SALL4: variants seen among roughly 807,000 people sequenced by gnomAD.
The protein encoded by SALL4 is spalt like transcription factor 4.
Under a neutral mutation model 60.8 loss-of-function variants are expected in SALL4, and 4 were observed. The ratio of observed to expected loss-of-function variants is 0.07; its 90% CI spans 0.03 to 0.15. SALL4 has a LOEUF of 0.15. SALL4 is among the 10% of genes least tolerant of loss of function. The pLI is 1.00. For synonymous variants in SALL4, 580 were observed against 574.9 expected, an observed-to-expected ratio of 1.01 and a Z score of -0.13; for missense variants, 1,178 against 1,394.7, an observed-to-expected ratio of 0.84 and a Z score of 2.48.
At chr20:51,793,970 A>G (rs1166254180) in intron 1 of SALL4, among the ~76,000 whole-genome samples, 2 of 152,126 alleles carry the variant, frequency 1.3e-5, no homozygotes, top group African/African-American at 4.8e-5. Context: ...CCTATCAATA[A>G]CAGGTAGTTA....
intron 1 of SALL4, among the ~76,000 whole-genome samples, chr20:51,800,665 GA>G (rs1484171642): frequency 6.6e-6 from 1 of 152,168 alleles, no homozygotes; most frequent in African/African-American, 2.4e-5. Flanking sequence ...CAGGCGGGCT[GA>G]GGGTTAACCC....
Position 51,801,156 on chromosome 20 carries a change from C to A in SALL4, c.130+1123G>T, listed in dbSNP as rs546402610. 3.3e-5 allele frequency among the ~76,000 whole-genome samples: 5 copies of A among 152,100 alleles called. No homozygotes were observed. The highest frequency in any genetic ancestry group is 1.3e-4 in the Admixed American group (2 of 15,284). On this transcript the variant is annotated intron_variant, in intron 1 of 3. Transcript: ENST00000217086. The surrounding 1 kb of genome is among the most constrained non-coding windows in gnomAD (Gnocchi z 5.2). ...ACGCGCACGCTAAAAACTTATCAGG[C>A]GACAATTTGGCGGGCCGGGATGGAG...
rs2075267832 is a variant in SALL4, at chr20:51,789,337, ATC to A, written c.2462-198_2462-197del. Among the ~76,000 whole-genome samples the A allele has an allele frequency of 2.0e-5, 3 of 151,894 alleles. No individual in the cohort carries two copies. The South Asian group carries it at 6.2e-4, about 31-fold the overall frequency. On this transcript the variant is annotated intron_variant, in intron 2 of 3. Transcript: ENST00000217086. ...AAGCTTCAAATGCTTGGGAAAAGGT[ATC>A]ACTTTGGGTTTTTTTTTTTTAAAGG...
chr20:51,792,231 G>T lies in SALL4; in HGVS notation c.252C>A (p.Ile84=). The T allele has an allele frequency of 6.2e-7, 1 of 1,614,092 alleles. No homozygotes were observed. The highest frequency in any genetic ancestry group is 8.5e-7 in the Non-Finnish European group (1 of 1,180,038). Residue 84 remains isoleucine (I), a synonymous_variant, in exon 2 of 4, where the codon ATC becomes ATA. Transcript: ENST00000217086. ...CEKCCAEFFS[I]SEFLEHKKNC... The stretch of plus-strand genomic sequence containing the variant: ...TTTTCTTATGTTCCAGGAACTCAGA[G>T]ATGCTGAAGAACTCCGCACAGCATT...
Position 51,791,942 on chromosome 20 carries a change from C to T in SALL4, c.541G>A (p.Val181Met), listed in dbSNP as rs139382539. The change falls in exon 2 of 4, where the codon GTG (valine) becomes ATG (methionine). Residue 181 changes from valine (V) to methionine (M), a missense_variant. Val to Met is a conservative substitution (Grantham distance 21). Around this residue, in one of 5 missense-constraint regions of SALL4, gnomAD observed 853 missense variants for 1,036.8 expected, o/e 0.82. Coordinates refer to ENST00000217086, the MANE Select transcript of SALL4 (RefSeq NM_020436.5). This position sits in a 1 kb window ranked among gnomAD's most constrained non-coding sequence, Gnocchi z 4.6. ...GTGCCCCGTAGTGCCTGCAAGGTCA[C>T]ATTAGTGTTGGCCACTTTGCCTTTG... is the stretch of plus-strand genomic sequence containing the variant. The part of the protein sequence containing the change: ...LAKGKVANTN[V>M]TLQALRGTKV... 1.1e-3 allele frequency: 1,794 copies of T among 1,614,102 alleles called. 3 individuals carry two copies. The highest frequency in any genetic ancestry group is 1.4e-3 in the Non-Finnish European group (1,619 of 1,180,048).
Position 51,792,126 on chromosome 20 carries a change from T to C in SALL4, c.357A>G (p.Val119=). 1 of 1,614,172 alleles carries C rather than the reference T, an allele frequency of 6.2e-7. No individual in the cohort carries two copies. Among genetic ancestry groups the C allele is most frequent in the Non-Finnish European group, 8.5e-7 (1 of 1,180,030 alleles). ...PVPSEDFSGA[V]LSHQPTSPGS... Reference sequence around the variant, plus strand: ...CGGGACTGGTGGGCTGGTGGCTCAGTACAGCTCCGGAGAAGTCTTCTGAAG... The same window carrying C: ...CGGGACTGGTGGGCTGGTGGCTCAGCACAGCTCCGGAGAAGTCTTCTGAAG... Residue 119 remains valine (V), a synonymous_variant, in exon 2 of 4, where the codon GTA becomes GTG. Coordinates refer to ENST00000217086, the MANE Select transcript of SALL4 (RefSeq NM_020436.5).
rs989548460 is a variant in SALL4 at position 51,782,424 on chromosome 20, A to G, written c.*1841T>C. ...GTTTCTCCGTAGATCATACATTCAC[A>G]AGGCATTATTAGCTCAACAGTGAGA... On this transcript the variant is annotated 3_prime_UTR_variant, in exon 4 of 4. Transcript: ENST00000217086. The G allele has an allele frequency of 3.3e-5, 5 of 152,230 alleles. No homozygotes were observed. Among genetic ancestry groups the G allele is most frequent in the African/African-American group, 7.2e-5 (3 of 41,550 alleles). 9.4% of individuals were successfully genotyped at this position (152,230 alleles called of 1,614,324 possible).
At chr20:51,798,907 G>A (rs1470188151) in intron 1 of SALL4, among the ~76,000 whole-genome samples, 1 of 152,032 alleles carries the variant, frequency 6.6e-6, no homozygotes, top group Non-Finnish European at 1.5e-5. Context: ...TCTGGGGCGA[G>A]GCAGGACAAG....
At chr20:51,792,490 AC>A in intron 1 of SALL4, 138 bp from the exon 2 acceptor site, 1 of 1,099,862 alleles carries the variant, frequency 9.1e-7, no homozygotes, top group Non-Finnish European at 1.3e-6. Context: ...GGAATTCAAG[AC>A]CAGTCTGGCC....
In SALL4 at chr20:51,790,215, G is replaced by A. The variant is rs145078336; in HGVS notation, c.2268C>T (p.Ser756=). ...AGGATGAGTCGTTGGTCAAGCCATC[G>A]CTCTCCACGGAACCGTTTTCTCTGC... The part of the protein sequence containing the change: ...QGSRENGSVE[S]DGLTNDSSSL... The change falls in exon 2 of 4, where the codon AGC becomes AGT. Residue 756 remains serine, a synonymous_variant. Coordinates refer to ENST00000217086, the MANE Select transcript of SALL4 (RefSeq NM_020436.5). The surrounding 1 kb of genome is among the most constrained non-coding windows in gnomAD (Gnocchi z 5.5). The A allele has an allele frequency of 8.5e-4, 1,370 of 1,614,084 alleles. No homozygotes were observed. Among genetic ancestry groups the A allele is most frequent in the Non-Finnish European group, 1.0e-3 (1,222 of 1,180,024 alleles).
At chr20:51,787,010 G>A (rs1484179524) in intron 3 of SALL4, among the ~76,000 whole-genome samples, 3 of 152,128 alleles carry the variant, frequency 2.0e-5, no homozygotes, top group East Asian at 1.9e-4. Context: ...CAGGAGAATC[G>A]CTTGAACCCA....
Position 51,782,980 on chromosome 20 carries a change from C to T in SALL4, c.*1285G>A, listed in dbSNP as rs542413818. On this transcript the variant is annotated 3_prime_UTR_variant, in exon 4 of 4. Transcript: ENST00000217086. ...GACGTGCCTGTTCTAACTTCGTAGC[C>T]TTCATGAAATATTCAGCAAGGAAAC... The T allele has an allele frequency of 3.3e-5, 5 of 152,306 alleles. No homozygotes were observed. The highest frequency in any genetic ancestry group is 1.2e-4 in the African/African-American group (5 of 41,562). The allele number at this position is 152,306 out of a possible 1,614,324, so 9.4% of individuals were successfully genotyped here.
intron 1 of SALL4, among the ~76,000 whole-genome samples, chr20:51,795,753 T>G (rs545551592): frequency 1.3e-5 from 2 of 152,318 alleles, no homozygotes; most frequent in Admixed American, 6.5e-5. Context: ...ACCCAGCAAT[T>G]CCTGCTTTAG....
At position 51,790,727 on chromosome 20, in the gene SALL4, G is replaced by A. The variant is rs148328518; in HGVS notation, c.1756C>T (p.Arg586Cys). 5.0e-6 allele frequency: 8 copies of A among 1,614,016 alleles called. No individual in the cohort carries two copies. Among genetic ancestry groups the A allele is most frequent in the South Asian group, 2.2e-5 (2 of 91,086 alleles). ...SCQSSLKMHYRTHTGERPFQC... is the reference protein window; with the variant it reads ...SCQSSLKMHYCTHTGERPFQC... ...AACGGTCTCTCCCCGGTGTGGGTGC[G>A]ATAATGCATCTTGAGGGAGCTCTGA... The change falls in exon 2 of 4, where the codon CGC becomes TGC. Residue 586 changes from arginine (R) to cysteine (C), a missense_variant. Arg to Cys is a radical substitution (Grantham distance 180, BLOSUM62 -3). This residue lies in a region of SALL4 where 853 missense variants were observed against 1,036.8 expected (regional missense o/e 0.82). Coordinates refer to ENST00000217086, the MANE Select transcript of SALL4 (RefSeq NM_020436.5). The surrounding 1 kb of genome is among the most constrained non-coding windows in gnomAD (Gnocchi z 5.5).
Position 51,791,841 on chromosome 20 carries a change from G to C in SALL4, c.642C>G (p.Val214=), listed in dbSNP as rs1345758602. The change falls in exon 2 of 4, where the codon GTC becomes GTG. Residue 214 remains valine (V), a synonymous_variant. Transcript: ENST00000217086. This position sits in a 1 kb window ranked among gnomAD's most constrained non-coding sequence, Gnocchi z 4.6. ...PVPGANSIPW[V]LEQILCLQQQ... Reference sequence around the variant, plus strand: ...GCTGCAGACACAAGATCTGCTCGAGGACCCACGGGATGCTGTTGGCACCAG... The same window carrying C: ...GCTGCAGACACAAGATCTGCTCGAGCACCCACGGGATGCTGTTGGCACCAG... 6 of 1,614,044 alleles carry C rather than the reference G, an allele frequency of 3.7e-6. No homozygotes were observed. The East Asian group carries it at 1.1e-4, about 30-fold the overall frequency.
At position 51,783,045 on chromosome 20, in the gene SALL4, T is replaced by C. The variant is rs763177334; in HGVS notation, c.*1220A>G. Reference sequence around the variant, plus strand: ...AATCGTCATAATTACTTGGCATAAGTCGCACCAAGGAAATTCAACAAAAGC... The same window carrying C: ...AATCGTCATAATTACTTGGCATAAGCCGCACCAAGGAAATTCAACAAAAGC... On this transcript the variant is annotated 3_prime_UTR_variant, in exon 4 of 4. Coordinates refer to ENST00000217086, the MANE Select transcript of SALL4 (RefSeq NM_020436.5). The C allele has an allele frequency of 6.6e-6, 1 of 152,154 alleles. No homozygotes were observed. The highest frequency in any genetic ancestry group is 1.5e-5 in the Non-Finnish European group (1 of 68,042). The allele number at this position is 152,154 out of a possible 1,614,324, so 9.4% of individuals were successfully genotyped here.
At chr20:51,786,459 T>C (rs2077993613) in intron 3 of SALL4, among the ~76,000 whole-genome samples, 1 of 151,844 alleles carries the variant, frequency 6.6e-6, no homozygotes, top group Admixed American at 6.6e-5. Flanking sequence ...CTCGAACTCC[T>C]GGCCTCAAGC....
intron 3 of SALL4, among the ~76,000 whole-genome samples, chr20:51,787,824 A>G (rs999816671): frequency 2.6e-5 from 4 of 151,656 alleles, no homozygotes; most frequent in Admixed American, 1.3e-4. Flanking sequence ...GCTTCTTAAG[A>G]GTTTAAAACT....
chr20:51,799,043 C>G (rs767966975), intron 1 of SALL4, among the ~76,000 whole-genome samples: 1 of 152,068 alleles, frequency 6.6e-6, no homozygotes, highest in Non-Finnish European at 1.5e-5. Context: ...TTAAAGATAG[C>G]GCACTCGAGT....
Sources: gnomAD v4.1 joint callset for allele counts (sites outside exome capture counted in the v4.1 genomes callset) on GRCh38, gnomAD v4.1.1 for gene constraint, gnomAD v4.1.1 regional missense constraint, Gnocchi (gnomAD v3.1) non-coding constraint, MANE v1.5 for transcripts, NCBI Gene and HGNC (gene_info 2026-07-23, HGNC 2026-07-21) for gene names.